The following ASMTL variants were observed in gnomAD, a reference collection of about 807,000 sequenced individuals.
ASMTL encodes probable bifunctional dTTP/UTP pyrophosphatase/methyltransferase protein.
A neutral mutation model predicts 60.3 loss-of-function variants in ASMTL; 57 were observed. That is an observed-to-expected ratio of 0.95 (90% CI 0.76 to 1.18). ASMTL has a LOEUF of 1.18. Among genes scored for constraint, ASMTL ranks in the 50% most tolerant of loss-of-function variants. The pLI is 0.00. For missense variants in ASMTL, 981 were observed against 852.6 expected (o/e 1.15, Z -1.88); for synonymous variants, 419 against 373.0 (o/e 1.12, Z -1.42).
intron 3 of ASMTL, among the ~76,000 whole-genome samples, chrX:1,436,588 G>A (rs749407697): frequency 7.2e-5 from 11 of 152,276 alleles, no homozygotes; most frequent in African/African-American, 2.2e-4. Flanking sequence ...TCCTGACCTT[G>A]TGATCCACCC....
At chrX:1,435,194 T>G in intron 4 of ASMTL, 111 bp from the exon 5 acceptor site, 3 of 1,100,742 alleles carry the variant, frequency 2.7e-6, no homozygotes, top group Non-Finnish European at 4.2e-6. Context: ...CCTGGATCCG[T>G]CCCCAGCATC....
chrX:1,440,284 G>A (rs1406667785), intron 2 of ASMTL, among the ~76,000 whole-genome samples: 1 of 151,944 alleles, frequency 6.6e-6, no homozygotes, highest in African/African-American at 2.4e-5. Flanking sequence ...TACAGACGGG[G>A]TTTCACCGTG....
In ASMTL at chrX:1,442,176, G is replaced by GTACA; in HGVS notation, c.225+9_225+10insTGTA. ...ATTTTCATAAGGGCCGAAGGGCAGG[G>GTACA]GCCCCTTGCCTGGTACAGCCGGTTG... On this transcript the variant is annotated intron_variant, in intron 2 of 12. Transcript: ENST00000381317. 1.2e-6 allele frequency: 2 copies of GTACA among 1,613,108 alleles called. No homozygotes were observed. Among genetic ancestry groups the GTACA allele is most frequent in the Non-Finnish European group, 1.7e-6 (2 of 1,179,720 alleles).
chrX:1,416,590 TACACACATATACCCAC>T (rs2090281654), intron 11 of ASMTL, among the ~76,000 whole-genome samples: 1 of 125,702 alleles, frequency 8.0e-6, no homozygotes, highest in African/African-American at 2.8e-5. Context: ...CACACAGACA[TACACACATATACCCAC>T]ACAGACGCAC....
rs769718552 is a variant in ASMTL at position 1,421,647 on chromosome X, T to C, written c.1245+11A>G. 1 of 1,613,458 alleles carries C rather than the reference T, an allele frequency of 6.2e-7. No individual in the cohort carries two copies. The highest frequency in any genetic ancestry group is 8.5e-7 in the Non-Finnish European group (1 of 1,179,698). On this transcript the variant is annotated intron_variant, in intron 9 of 12. Coordinates refer to ENST00000381317, the MANE Select transcript of ASMTL (RefSeq NM_004192.4). ...CTAGACGGAAAGGTGTCCGCGGGGG[T>C]GTTATGCTACCTGGAACAGATCTTC...
chrX:1,424,401 C>T lies in ASMTL; in HGVS notation c.1060+1124G>A, dbSNP rs760450712. On this transcript the variant is annotated intron_variant, in intron 8 of 12. Coordinates refer to ENST00000381317, the MANE Select transcript of ASMTL (RefSeq NM_004192.4). ...CCATCCATCTGTCCACCCACCCATCCGTCTATTCACCCACACTCCCAATCA... is the reference window on the plus strand; with the variant it reads ...CCATCCATCTGTCCACCCACCCATCTGTCTATTCACCCACACTCCCAATCA... 2.0e-3 allele frequency among the ~76,000 whole-genome samples: 301 copies of T among 150,208 alleles called. 4 individuals are homozygous for T. The highest frequency in any genetic ancestry group is 7.1e-3 in the African/African-American group (290 of 40,868).
At chrX:1,403,517 C>A (rs2089673285) in intron 12 of ASMTL, 28 bp from the exon 13 acceptor site, 1 of 1,603,304 alleles carries the variant, frequency 6.2e-7, no homozygotes, top group African/African-American at 1.3e-5. Flanking sequence ...GAGCTGGAGT[C>A]CTGGCCAGCC....
chrX:1,406,371 TGGTA>T (rs2149260326), intron 12 of ASMTL, among the ~76,000 whole-genome samples: 1 of 150,124 alleles, frequency 6.7e-6, no homozygotes, highest in South Asian at 2.1e-4. Context: ...GGTGAATAGA[TGGTA>T]GATGATGGGT....
chrX:1,418,975 C>T lies in ASMTL; in HGVS notation c.1378+7G>A. The T allele has an allele frequency of 1.2e-6, 2 of 1,611,814 alleles. No homozygotes were observed. Among genetic ancestry groups the T allele is most frequent in the South Asian group, 1.1e-5 (1 of 90,974 alleles). ...GTAAGGAGAGCCCTGGCGGGGGGGC[C>T]ACCCACCTCCCACGTCGCAGGCGGA... On this transcript the variant is annotated splice_region_variant and intron_variant, in intron 10 of 12. Transcript: ENST00000381317.
intron 8 of ASMTL, among the ~76,000 whole-genome samples, chrX:1,424,330 A>G (rs1212551047): frequency 1.3e-5 from 2 of 149,986 alleles, no homozygotes; most frequent in African/African-American, 4.9e-5. Context: ...TCCCCCACCC[A>G]GCTACCCAAC....
chrX:1,435,305 C>G (rs1169154832), intron 4 of ASMTL: 1 of 634,000 alleles, frequency 1.6e-6, no homozygotes, highest in African/African-American at 1.8e-5. Flanking sequence ...TGACGGGAGG[C>G]GCCAGGCCAG....
intron 12 of ASMTL, among the ~76,000 whole-genome samples, chrX:1,411,062 G>C (rs1427083808): frequency 6.7e-6 from 1 of 150,164 alleles, no homozygotes; most frequent in African/African-American, 2.5e-5. Flanking sequence ...GTATGTGCCA[G>C]TAATCCAGCT....
chrX:1,445,339 G>A lies in ASMTL; in HGVS notation c.94-3022C>T, dbSNP rs1479850372. Among the ~76,000 whole-genome samples, 4 of 152,192 alleles carry A rather than the reference G, an allele frequency of 2.6e-5. No homozygotes were observed. The East Asian group carries it at 5.8e-4, about 22-fold the overall frequency. On this transcript the variant is annotated intron_variant, in intron 1 of 12. Transcript: ENST00000381317. ...AGCCCACGTGGGTGCCAAACAACCC[G>A]ACATTCCTATGTCCTCCTCTCTGGG...
At chrX:1,418,784 G>C (rs2090389377) in intron 10 of ASMTL, 198 bp downstream of exon 10, 1 of 211,920 alleles carries the variant, frequency 4.7e-6, no homozygotes, top group Non-Finnish European at 8.1e-6. Context: ...GGAGTTTCTA[G>C]GGGGGCATTT....
intron 1 of ASMTL, 123 bp downstream of exon 1, chrX:1,452,625 C>A: frequency 1.3e-6 from 1 of 766,442 alleles, no homozygotes; most frequent in South Asian, 1.8e-5. Flanking sequence ...TCTCCCCTCC[C>A]CCATCCCTAA....
intron 4 of ASMTL, chrX:1,435,416 A>C (rs2090935218): frequency 3.3e-6 from 2 of 606,450 alleles, no homozygotes; most frequent in South Asian, 2.0e-5. Context: ...CAGGATGCCC[A>C]GTGGGAAGGA....
chrX:1,420,429 G>C (rs1233398582), intron 9 of ASMTL, among the ~76,000 whole-genome samples: 2 of 152,078 alleles, frequency 1.3e-5, no homozygotes, highest in Non-Finnish European at 2.9e-5. Flanking sequence ...TCTGCAGGAA[G>C]CCCCCGGCTC....
Position 1,419,008 on chromosome X carries a change from C to A in ASMTL, c.1352G>T (p.Arg451Leu), listed in dbSNP as rs374117559. ...CQVATAFNLS[R>L]FSSACDVGGC... Reference sequence around the variant, plus strand: ...TCCCACGTCGCAGGCGGAGGAGAAGCGGGACAGATTGAAGGCCGTGGCCAC... The same window carrying A: ...TCCCACGTCGCAGGCGGAGGAGAAGAGGGACAGATTGAAGGCCGTGGCCAC... The change falls in exon 10 of 13, where the codon CGC becomes CTC. Residue 451 changes from arginine (R) to leucine (L), a missense_variant. By Grantham distance (102) the Arg-to-Leu change is moderately radical (BLOSUM62 -2). Coordinates refer to ENST00000381317, the MANE Select transcript of ASMTL (RefSeq NM_004192.4). 1 of 1,611,832 alleles carries A rather than the reference C, an allele frequency of 6.2e-7. No homozygotes were observed.
intron 12 of ASMTL, among the ~76,000 whole-genome samples, chrX:1,404,325 GATGA>G (rs1440036313): frequency 2.0e-5 from 3 of 148,424 alleles, no homozygotes; most frequent in South Asian, 2.1e-4. Context: ...TACATAGATA[GATGA>G]ATGGATGGAT....
Sources: gnomAD v4.1 joint callset for allele counts (sites outside exome capture counted in the v4.1 genomes callset) on GRCh38, gnomAD v4.1.1 for gene constraint, MANE v1.5 for transcripts, NCBI Gene and HGNC (gene_info 2026-07-23, HGNC 2026-07-21) for gene names.